The following CSNK1E variants were observed in gnomAD, a reference collection of about 807,000 sequenced individuals.
The protein encoded by CSNK1E is casein kinase I isoform epsilon.
Under a neutral mutation model 46.1 loss-of-function variants are expected in CSNK1E, and 17 were observed. That is an observed-to-expected ratio of 0.37 (90% CI 0.25 to 0.55). The LOEUF (loss-of-function observed/expected upper bound fraction) is 0.55, where lower values mean the gene tolerates loss of function less well. Among genes scored for constraint, CSNK1E ranks in the 20% least tolerant of loss-of-function variants. The pLI is 0.82. For missense variants in CSNK1E, 386 were observed against 595.4 expected (o/e 0.65, Z 3.66); for synonymous variants, 241 against 242.6 (o/e 0.99, Z 0.06).
At chr22:38,304,161 C>A (rs964232127) in intron 2 of CSNK1E, among the ~76,000 whole-genome samples, 2 of 152,088 alleles carry the variant, frequency 1.3e-5, no homozygotes, top group African/African-American at 4.8e-5. Flanking sequence ...GCAGCGAGCC[C>A]AGCAGGAGGA....
intron 2 of CSNK1E, among the ~76,000 whole-genome samples, chr22:38,307,590 T>C (rs2092704012): frequency 6.6e-6 from 1 of 152,204 alleles, no homozygotes; most frequent in South Asian, 2.1e-4. Context: ...GTAGCTTATA[T>C]ACAAATACTA....
At chr22:38,293,639 C>A (rs2092623796) in intron 9 of CSNK1E, among the ~76,000 whole-genome samples, 1 of 152,120 alleles carries the variant, frequency 6.6e-6, no homozygotes, top group Non-Finnish European at 1.5e-5. Context: ...GGCTCCCACC[C>A]ACCTCTGCCA....
rs753644546 is a variant in CSNK1E at position 38,294,066 on chromosome 22, C to G, written c.1218+43G>C. 5.0e-6 allele frequency: 8 copies of G among 1,593,380 alleles called. No homozygotes were observed. In the East Asian group the frequency reaches 1.8e-4, roughly 36 times the overall value. On this transcript the variant is annotated intron_variant, in intron 9 of 10. Coordinates refer to ENST00000396832, the MANE Select transcript of CSNK1E (RefSeq NM_152221.3). This position sits in a 1 kb window ranked among gnomAD's most constrained non-coding sequence, Gnocchi z 5.5. ...TGACCTCCCACTGGGGGGTCTCTAA[C>G]TCAGTTCTGAGGCCCAGAGGGACTG...
Position 38,303,097 on chromosome 22 carries a change from G to A in CSNK1E, c.187+41C>T, listed in dbSNP as rs138057437. The A allele has an allele frequency of 3.4e-4, 513 of 1,509,304 alleles. 2 individuals are homozygous for A. The African/African-American group carries it at 6.1e-3, about 18-fold the overall frequency. The allele number at this position is 1,509,304 out of a possible 1,614,324, so 93.5% of individuals were successfully genotyped here. A position where few individuals can be genotyped will look rare whatever the true frequency, so the allele number is the denominator to read the frequency against. The stretch of plus-strand genomic sequence containing the variant: ...CACCCTGTGCTCATGGCTGCCCACC[G>A]CCACCCACCCGGCGCCCGCCGCCGC... On this transcript the variant is annotated intron_variant, in intron 3 of 10. Transcript: ENST00000396832. The surrounding 1 kb of genome is among the most constrained non-coding windows in gnomAD (Gnocchi z 4.7).
chr22:38,302,207 C>T (rs2092676342), intron 4 of CSNK1E, among the ~76,000 whole-genome samples: 2 of 150,428 alleles, frequency 1.3e-5, no homozygotes, highest in South Asian at 4.2e-4. Context: ...TTTACATTAC[C>T]CAGGGCAGGC....
chr22:38,290,905 A>C lies in CSNK1E; in HGVS notation c.*1066T>G, dbSNP rs778083850. ...GAAACAGAGGTAAATAAATTAGGAAAACACACACACGGAGAAAACAAACAA... is the reference window on the plus strand; with the variant it reads ...GAAACAGAGGTAAATAAATTAGGAACACACACACACGGAGAAAACAAACAA... On this transcript the variant is annotated 3_prime_UTR_variant, in exon 11 of 11. Transcript: ENST00000396832. 8.5e-5 allele frequency: 13 copies of C among 152,284 alleles called. No homozygotes were observed. The highest frequency in any genetic ancestry group is 3.1e-4 in the African/African-American group (13 of 41,406). The allele number at this position is 152,284 out of a possible 1,614,324, so 9.4% of individuals were successfully genotyped here.
At chr22:38,313,897 C>T (rs1036799568) in intron 2 of CSNK1E, among the ~76,000 whole-genome samples, 185 bp downstream of exon 2, 9 of 152,164 alleles carry the variant, frequency 5.9e-5, no homozygotes, top group African/African-American at 9.7e-5. Flanking sequence ...GCCTGGCCTG[C>T]GAGAGGAGCC....
At chr22:38,297,787 C>A in intron 7 of CSNK1E, 1 of 1,000,964 alleles carries the variant, frequency 1.0e-6, no homozygotes, top group Non-Finnish European at 1.2e-6. Context: ...ATGGCCTCCA[C>A]TGTGCTGCCA....
At position 38,298,446 on chromosome 22, in the gene CSNK1E, G is replaced by T; in HGVS notation, c.885+340C>A. 1 of 375,286 alleles carries T rather than the reference G, an allele frequency of 2.7e-6. No individual in the cohort carries two copies. Among genetic ancestry groups the T allele is most frequent in the Non-Finnish European group, 5.1e-6 (1 of 194,452 alleles). The allele number at this position is 375,286 out of a possible 1,614,324, so 23.2% of individuals were successfully genotyped here. A position where few individuals can be genotyped will look rare whatever the true frequency, so the allele number is the denominator to read the frequency against. On this transcript the variant is annotated intron_variant, in intron 7 of 10. Transcript: ENST00000396832. This position sits in a 1 kb window ranked among gnomAD's most constrained non-coding sequence, Gnocchi z 4.2. Reference sequence around the variant, plus strand: ...GCCACCTGGGATGTGCAGAACAGGAGCAGCAGGACGGTGTAGGCAGCAATC... The same window carrying T: ...GCCACCTGGGATGTGCAGAACAGGATCAGCAGGACGGTGTAGGCAGCAATC...
In CSNK1E at chr22:38,302,933, G is replaced by A; in HGVS notation, c.264C>T (p.Ser88=). 6.2e-7 allele frequency: 1 copy of A among 1,614,154 alleles called. No homozygotes were observed. Among genetic ancestry groups the A allele is most frequent in the Non-Finnish European group, 8.5e-7 (1 of 1,180,028 alleles). ...NVMVMELLGP[S]LEDLFNFCSR... ...AACAGAAGTTGAACAGGTCCTCGAG[G>A]CTAGGCCCCAGCAGCTCCATGACCA... The change falls in exon 4 of 11, where the codon AGC becomes AGT. Residue 88 remains serine, a synonymous_variant. Transcript: ENST00000396832.
chr22:38,312,314 C>T (rs2092724493), intron 2 of CSNK1E, among the ~76,000 whole-genome samples: 1 of 152,214 alleles, frequency 6.6e-6, no homozygotes, highest in African/African-American at 2.4e-5. Context: ...TGGTTTCGAA[C>T]TCCTGGACTC....
At chr22:38,307,022 T>C (rs1356876959) in intron 2 of CSNK1E, among the ~76,000 whole-genome samples, 1 of 151,732 alleles carries the variant, frequency 6.6e-6, no homozygotes, top group Non-Finnish European at 1.5e-5. Context: ...AATACAAATA[T>C]TAGCCAGGCG....
In CSNK1E at chr22:38,300,323, A is replaced by G. The variant is rs150849387; in HGVS notation, c.566-258T>C. On this transcript the variant is annotated intron_variant, in intron 5 of 10. Coordinates refer to ENST00000396832, the MANE Select transcript of CSNK1E (RefSeq NM_152221.3). The surrounding 1 kb of genome is among the most constrained non-coding windows in gnomAD (Gnocchi z 4.4). ...AATCATTCAATGACTATGAGAGGGC[A>G]CCTACTGCCCCCTTGCCTGGCCCAC... Among the ~76,000 whole-genome samples the G allele has an allele frequency of 1.7e-3, 262 of 152,330 alleles. 1 individual carries two copies. The highest frequency in any genetic ancestry group is 6.2e-3 in the African/African-American group (256 of 41,576).
chr22:38,314,223 G>A, intron 1 of CSNK1E, 54 bp from the exon 2 acceptor site: 2 of 1,449,794 alleles, frequency 1.4e-6, no homozygotes, highest in Non-Finnish European at 1.9e-6. Context: ...CGGGAAAGGG[G>A]TCCAGTCCAC....
In CSNK1E at chr22:38,300,125, C is replaced by A; in HGVS notation, c.566-60G>T. On this transcript the variant is annotated intron_variant, in intron 5 of 10. Transcript: ENST00000396832. The surrounding 1 kb of genome is among the most constrained non-coding windows in gnomAD (Gnocchi z 4.4). ...GGGTCCACTCAGGCCCCTAACTCAT[C>A]CTCTGGGTCATGCTCCTCACAATGC... 2 of 1,536,704 alleles carry A rather than the reference C, an allele frequency of 1.3e-6. No individual in the cohort carries two copies. The highest frequency in any genetic ancestry group is 1.2e-5 in the South Asian group (1 of 86,750).
intron 2 of CSNK1E, among the ~76,000 whole-genome samples, chr22:38,308,646 G>A (rs1335457099): frequency 6.6e-6 from 1 of 152,060 alleles, no homozygotes; most frequent in East Asian, 1.9e-4. Flanking sequence ...CATGATGTTC[G>A]GCTTGGTGGG....
intron 10 of CSNK1E, chr22:38,292,626 A>C (rs931148912): frequency 1.3e-5 from 2 of 152,838 alleles, no homozygotes; most frequent in Admixed American, 6.5e-5. Flanking sequence ...AAATGGACAC[A>C]CGTTCCCCAG....
intron 7 of CSNK1E, chr22:38,296,827 G>A: frequency 9.9e-7 from 1 of 1,010,962 alleles, no homozygotes; most frequent in Non-Finnish European, 1.5e-6. Flanking sequence ...GCCACTGGAG[G>A]GCAGTGGCAT....
intron 2 of CSNK1E, among the ~76,000 whole-genome samples, 187 bp downstream of exon 2, chr22:38,313,894 CT>C (rs949141631): frequency 1.3e-5 from 2 of 152,174 alleles, no homozygotes; most frequent in African/African-American, 2.4e-5. Context: ...CCAGCCTGGC[CT>C]GCGAGAGGAG....
Sources: gnomAD v4.1 joint callset for allele counts (sites outside exome capture counted in the v4.1 genomes callset) on GRCh38, gnomAD v4.1.1 for gene constraint, Gnocchi (gnomAD v3.1) non-coding constraint, MANE v1.5 for transcripts, NCBI Gene and HGNC (gene_info 2026-07-23, HGNC 2026-07-21) for gene names.